USH2A: variants seen among roughly 807,000 people sequenced by gnomAD.
USH2A encodes usherin, also known as Usher syndrome 2A (autosomal recessive, mild).
USH2A carries 443 observed loss-of-function variants against 538.9 expected under a neutral mutation model. That is an observed-to-expected ratio of 0.82 (90% CI 0.76 to 0.89). The LOEUF is 0.89. Ranked by LOEUF, USH2A falls within the 40% of genes least tolerant of loss-of-function variation. The pLI, the probability that USH2A is intolerant of heterozygous loss-of-function variation, is 0.00. For missense variants in USH2A, 6,633 were observed against 6,324.8 expected (o/e 1.05, Z -1.65); for synonymous variants, 2,413 against 2,273.5 (o/e 1.06, Z -1.75).
chr1:215,936,475 T>C (rs1194826585), intron 37 of USH2A, among the ~76,000 whole-genome samples: 2 of 152,112 alleles, frequency 1.3e-5, no homozygotes. Context: ...TATTTCTGAA[T>C]GTCTGGTTCT....
intron 35 of USH2A, among the ~76,000 whole-genome samples, chr1:215,989,914 A>G (rs1667965347): frequency 6.6e-6 from 1 of 152,184 alleles, no homozygotes; most frequent in South Asian, 2.1e-4. Context: ...TAACCGAGGC[A>G]GTGGAAGATT....
intron 4 of USH2A, among the ~76,000 whole-genome samples, chr1:216,349,037 G>T (rs1183680515): frequency 6.6e-6 from 1 of 152,148 alleles, no homozygotes; most frequent in Admixed American, 6.6e-5. Flanking sequence ...TTGCTTTACT[G>T]CTGCGGAATG....
At chr1:215,881,599 T>A (rs1558142602) in intron 41 of USH2A, among the ~76,000 whole-genome samples, 1 of 152,214 alleles carries the variant, frequency 6.6e-6, no homozygotes, top group Non-Finnish European at 1.5e-5. Flanking sequence ...CCATTGTACA[T>A]AAGAAAGATT....
chr1:216,190,658 C>G (rs1400886231), intron 19 of USH2A, among the ~76,000 whole-genome samples: 1 of 151,666 alleles, frequency 6.6e-6, no homozygotes, highest in Non-Finnish European at 1.5e-5. Flanking sequence ...TTATTGTCAC[C>G]AATGGTAGAG....
chr1:216,122,063 AG>A (rs996837239), intron 21 of USH2A, among the ~76,000 whole-genome samples: 3 of 152,222 alleles, frequency 2.0e-5, no homozygotes, highest in African/African-American at 7.2e-5. Context: ...ATGAAAATGT[AG>A]GGCTGTCACA....
chr1:216,399,545 C>A (rs1558071584), intron 3 of USH2A, among the ~76,000 whole-genome samples: 1 of 152,076 alleles, frequency 6.6e-6, no homozygotes, highest in Non-Finnish European at 1.5e-5. Context: ...TCACACCTGG[C>A]ATCAATGAGG....
chr1:216,319,166 C>A (rs2037562294), intron 9 of USH2A, among the ~76,000 whole-genome samples: 1 of 152,032 alleles, frequency 6.6e-6, no homozygotes, highest in Non-Finnish European at 1.5e-5. Flanking sequence ...GTGTTAGTGG[C>A]TTTGTGGAGG....
intron 20 of USH2A, among the ~76,000 whole-genome samples, chr1:216,182,671 G>A (rs1303119578): frequency 6.6e-6 from 1 of 152,044 alleles, no homozygotes; most frequent in Admixed American, 6.6e-5. Context: ...TATTAGTAAG[G>A]TCTGTTGTGT....
chr1:216,012,456 A>G (rs1668597446), intron 32 of USH2A, among the ~76,000 whole-genome samples: 1 of 152,084 alleles, frequency 6.6e-6, no homozygotes, highest in Non-Finnish European at 1.5e-5. Flanking sequence ...TTCACTGGAT[A>G]AGTACAGGCC....
At chr1:215,719,047 C>G (rs1441571027) in intron 61 of USH2A, among the ~76,000 whole-genome samples, 1 of 152,234 alleles carries the variant, frequency 6.6e-6, no homozygotes, top group African/African-American at 2.4e-5. Context: ...CACCAACTAA[C>G]TGTCCCTCAT....
chr1:215,856,974 C>T (rs943052756), intron 44 of USH2A, among the ~76,000 whole-genome samples: 2 of 151,424 alleles, frequency 1.3e-5, no homozygotes, highest in African/African-American at 2.4e-5. Context: ...GAATGAAAAA[C>T]CAAACATCAT....
chr1:215,760,204 T>A (rs1009177062), intron 56 of USH2A, among the ~76,000 whole-genome samples: 1 of 152,150 alleles, frequency 6.6e-6, no homozygotes, highest in African/African-American at 2.4e-5. Context: ...TGTACCTGAA[T>A]TATACAATTC....
intron 62 of USH2A, among the ~76,000 whole-genome samples, chr1:215,678,435 G>A (rs1658104293): frequency 6.6e-6 from 1 of 151,986 alleles, no homozygotes; most frequent in African/African-American, 2.4e-5. Context: ...CTGGCTTCAG[G>A]CCTTGCATTT....
intron 11 of USH2A, among the ~76,000 whole-genome samples, chr1:216,270,623 C>T (rs759225083): frequency 2.0e-5 from 3 of 152,074 alleles, no homozygotes; most frequent in Non-Finnish European, 4.4e-5. Flanking sequence ...CACTAACCAG[C>T]TATTGTATAC....
chr1:215,630,521 T>TG (rs1350529787), intron 70 of USH2A, among the ~76,000 whole-genome samples: 117 of 116,140 alleles, frequency 1.0e-3, no homozygotes, highest in African/African-American at 3.2e-3. Flanking sequence ...TATATATATA[T>TG]ATATATGAGA....
At chr1:216,330,451 C>T (rs748931715) in intron 4 of USH2A, among the ~76,000 whole-genome samples, 12 of 151,724 alleles carry the variant, frequency 7.9e-5, no homozygotes, top group African/African-American at 1.2e-4. Context: ...ATGAGTCATA[C>T]GTATATCTAG....
chr1:215,928,338 A>AT (rs897434985), intron 38 of USH2A, among the ~76,000 whole-genome samples: 30 of 151,880 alleles, frequency 2.0e-4, no homozygotes, highest in East Asian at 1.4e-3. Context: ...GTAAGGAAAG[A>AT]TTTTTTTTTA....
chr1:216,049,852 G>A (rs548986536), intron 30 of USH2A, among the ~76,000 whole-genome samples: 2 of 152,046 alleles, frequency 1.3e-5, no homozygotes, highest in Non-Finnish European at 2.9e-5. Context: ...AGGCATCTCC[G>A]TGGGCTACTG....
intron 12 of USH2A, among the ~76,000 whole-genome samples, chr1:216,248,868 A>T (rs1406693693): frequency 1.3e-5 from 2 of 152,140 alleles, no homozygotes; most frequent in Non-Finnish European, 2.9e-5. Flanking sequence ...TTCGGTGTTA[A>T]CAAGTACAGG....
Sources: allele counts gnomAD v4.1 joint callset (sites outside exome capture counted in the v4.1 genomes callset), GRCh38; gene constraint gnomAD v4.1.1; transcripts MANE v1.5; gene names NCBI Gene and HGNC (gene_info 2026-07-23, HGNC 2026-07-21).